ANTXRL: variants seen among roughly 807,000 people sequenced by gnomAD.
ANTXRL encodes the protein ANTXR like, also known as anthrax toxin receptor-like.
Under a neutral mutation model 75.4 loss-of-function variants are expected in ANTXRL, and 63 were observed. The ratio of observed to expected loss-of-function variants is 0.84; its 90% CI spans 0.68 to 1.03. The LOEUF (loss-of-function observed/expected upper bound fraction) is 1.03. ANTXRL is among the 50% of genes least tolerant of loss of function. The pLI, the probability that ANTXRL is intolerant of heterozygous loss-of-function variation, is 0.00. For synonymous variants in ANTXRL, 335 were observed against 291.3 expected (o/e 1.15, Z -1.53); for missense variants, 797 against 789.4 (o/e 1.01, Z -0.12).
rs544796052 is a variant in ANTXRL, at chr10:46,299,655, C to T, written c.796+1593C>T. On this transcript the variant is annotated intron_variant, in intron 9 of 16. Coordinates refer to ENST00000620264, the MANE Select transcript of ANTXRL (RefSeq NM_001278688.3). ...CCTGGCGGTAGGCTGTGGGGACAGA[C>T]ACACCGTATATGTCTGAGCTCTGCT... 2.6e-5 allele frequency among the ~76,000 whole-genome samples: 4 copies of T among 152,280 alleles called. No homozygotes were observed. The East Asian group carries it at 7.7e-4, about 29-fold the overall frequency.
chr10:46,318,625 A>G (rs1241886460), intron 16 of ANTXRL, among the ~76,000 whole-genome samples: 1 of 152,148 alleles, frequency 6.6e-6, no homozygotes, highest in Non-Finnish European at 1.5e-5. Flanking sequence ...AATGAAAAAC[A>G]AGAGGCTGAC....
Position 46,302,803 on chromosome 10 carries a change from A to G in ANTXRL, c.878A>G (p.Asn293Ser), listed in dbSNP as rs782241246. Residue 293 changes from asparagine to serine, a missense_variant, in exon 10 of 17, where the codon AAT (asparagine) becomes AGT (serine). This residue lies in a region of ANTXRL where 56 missense variants were observed against 95.5 expected (regional missense o/e 0.59). Transcript: ENST00000620264. ...RDEVICRFIF[N>S]ESTIIDEKPT... ...GAAGTTATTTGCAGATTTATCTTCA[A>G]TGAAAGCACTATCATTGGTAAGTTG... is the stretch of plus-strand genomic sequence containing the variant. 1.2e-4 allele frequency: 183 copies of G among 1,535,202 alleles called. No homozygotes were observed. The highest frequency in any genetic ancestry group is 1.4e-4 in the Non-Finnish European group (159 of 1,145,982).
chr10:46,309,174 G>C lies in ANTXRL; in HGVS notation c.1106G>C (p.Cys369Ser). 1 of 1,525,738 alleles carries C rather than the reference G, an allele frequency of 6.6e-7. No individual in the cohort carries two copies. The highest frequency in any genetic ancestry group is 8.7e-7 in the Non-Finnish European group (1 of 1,146,272). The allele number at this position is 1,525,738 out of a possible 1,614,324, so 94.5% of individuals were successfully genotyped here. Residue 369 changes from cysteine (C) to serine (S), a missense_variant, in exon 13 of 17, where the codon TGT becomes TCT. Physicochemically the swap from Cys to Ser is moderately radical, Grantham distance 112. Transcript: ENST00000620264. ...PLLLLVPLLLCCVWRLCRKQT... is the reference protein window; with the variant it reads ...PLLLLVPLLLSCVWRLCRKQT... ...CTGCTGCTTGTGCCACTGCTGCTGT[G>C]TTGTGTCTGGCGGCTGTGCCGCAAG... is the stretch of plus-strand genomic sequence containing the variant.
chr10:46,296,373 C>T, intron 5 of ANTXRL, 121 bp downstream of exon 5: 1 of 1,103,022 alleles, frequency 9.1e-7, no homozygotes, highest in Admixed American at 2.1e-5. Flanking sequence ...GAGCAAGTTG[C>T]TCACCTGCTC....
At chr10:46,322,796 G>A (rs1229430267) in intron 16 of ANTXRL, among the ~76,000 whole-genome samples, 4 of 152,174 alleles carry the variant, frequency 2.6e-5, no homozygotes, top group African/African-American at 7.2e-5. Flanking sequence ...TGTTTACTGA[G>A]TAGGTCATCA....
At chr10:46,325,343 C>G (rs1039359817) in intron 16 of ANTXRL, among the ~76,000 whole-genome samples, 5 of 152,086 alleles carry the variant, frequency 3.3e-5, no homozygotes, top group Non-Finnish European at 2.9e-5. Flanking sequence ...TAAGGAATTC[C>G]TTATTCTGCA....
At chr10:46,291,487 TGATACAG>T (rs1836980705) in intron 1 of ANTXRL, among the ~76,000 whole-genome samples, 1 of 152,128 alleles carries the variant, frequency 6.6e-6, no homozygotes, top group Non-Finnish European at 1.5e-5. Flanking sequence ...GTAGAGATTT[TGATACAG>T]ATTACATTGT....
intron 9 of ANTXRL, among the ~76,000 whole-genome samples, chr10:46,299,282 A>G (rs1837572797): frequency 6.6e-6 from 1 of 152,148 alleles, no homozygotes; most frequent in Non-Finnish European, 1.5e-5. Flanking sequence ...ATAGCCCGAC[A>G]AAGTCGTCCA....
intron 1 of ANTXRL, among the ~76,000 whole-genome samples, chr10:46,287,721 G>A (rs1398447937): frequency 1.3e-5 from 2 of 152,050 alleles, no homozygotes; most frequent in Non-Finnish European, 2.9e-5. Context: ...CCTGGATGAG[G>A]AAAAAAGCCA....
chr10:46,288,917 G>A (rs1836866810), intron 1 of ANTXRL, among the ~76,000 whole-genome samples: 1 of 152,150 alleles, frequency 6.6e-6, no homozygotes, highest in Admixed American at 6.5e-5. Context: ...ACAAGGCTGG[G>A]GGTAAAGGGC....
rs1554957653 is a variant in ANTXRL, at chr10:46,293,873, A to G, written c.365A>G (p.Gln122Arg). The G allele has an allele frequency of 1.3e-6, 2 of 1,535,744 alleles. No homozygotes were observed. Among genetic ancestry groups the G allele is most frequent in the South Asian group, 1.2e-5 (1 of 84,042 alleles). ...MCFITYSTDGQTVLPLTSDKN... is the reference protein window; with the variant it reads ...MCFITYSTDGRTVLPLTSDKN... ...TTCATCACCTACTCCACAGACGGCC[A>G]GACTGTCTTGCCACTCACCTCAGAC... The change falls in exon 3 of 17, where the codon CAG becomes CGG. Residue 122 changes from glutamine (Q) to arginine (R), a missense_variant. Physicochemically the swap from Gln to Arg is conservative, Grantham distance 43. Transcript: ENST00000620264.
chr10:46,298,665 G>T (rs782313233), intron 9 of ANTXRL, among the ~76,000 whole-genome samples: 3 of 151,688 alleles, frequency 2.0e-5, no homozygotes, highest in Non-Finnish European at 2.9e-5. Context: ...TCCAGTGTGT[G>T]TTTGTGTCGT....
intron 10 of ANTXRL, among the ~76,000 whole-genome samples, chr10:46,305,246 C>T (rs1554961595): frequency 6.6e-6 from 1 of 152,142 alleles, no homozygotes; most frequent in African/African-American, 2.4e-5. Context: ...GCATCAGTCC[C>T]TGTAGGGCAG....
chr10:46,296,037 T>A lies in ANTXRL; in HGVS notation c.411T>A (p.Gly137=). ...TTTTCAGGAATAGAATAAAAAACGGTCTTGACCAACTTCAGAAAATTGTGC... is the reference window on the plus strand; with the variant it reads ...TTTTCAGGAATAGAATAAAAAACGGACTTGACCAACTTCAGAAAATTGTGC... The part of the protein sequence containing the change: ...LTSDKNRIKN[G]LDQLQKIVPD... Residue 137 remains glycine (G), a synonymous_variant, in exon 4 of 17, where the codon GGT becomes GGA. Transcript: ENST00000620264. 1 of 1,535,802 alleles carries A rather than the reference T, an allele frequency of 6.5e-7. No individual in the cohort carries two copies. The highest frequency in any genetic ancestry group is 8.7e-7 in the Non-Finnish European group (1 of 1,146,724).
chr10:46,318,665 T>C (rs1380272899), intron 16 of ANTXRL, among the ~76,000 whole-genome samples: 1 of 151,962 alleles, frequency 6.6e-6, no homozygotes, highest in Non-Finnish European at 1.5e-5. Flanking sequence ...GAGCAAACAA[T>C]AAATAGAGTA....
At chr10:46,308,485 G>A (rs1311730214) in intron 12 of ANTXRL, 2 of 448,024 alleles carry the variant, frequency 4.5e-6, no homozygotes, top group Non-Finnish European at 8.9e-6. Flanking sequence ...CTCTGGACAT[G>A]AGGAAGGCCT....
At chr10:46,293,706 C>T in intron 2 of ANTXRL, 123 bp from the exon 3 acceptor site, 1 of 783,408 alleles carries the variant, frequency 1.3e-6, no homozygotes, top group Admixed American at 2.3e-5. Context: ...TATCTCACCT[C>T]CTTGTGTCCA....
At chr10:46,287,636 C>G (rs1427844097) in intron 1 of ANTXRL, 126 bp downstream of exon 1, 28 of 1,288,462 alleles carry the variant, frequency 2.2e-5, no homozygotes, top group Non-Finnish European at 2.6e-5. Context: ...AAACTTTGGT[C>G]AGACCAGACC....
chr10:46,311,399 C>T (rs2132819345), intron 14 of ANTXRL, 111 bp from the exon 15 acceptor site: 3 of 1,393,832 alleles, frequency 2.2e-6, no homozygotes, highest in Non-Finnish European at 2.8e-6. Flanking sequence ...GGACCCTCCA[C>T]TGTGGTGTGG....
Sources: allele counts gnomAD v4.1 joint callset (sites outside exome capture counted in the v4.1 genomes callset), GRCh38; gene constraint gnomAD v4.1.1; regional missense constraint gnomAD v4.1.1; transcripts MANE v1.5; gene names NCBI Gene and HGNC (gene_info 2026-07-23, HGNC 2026-07-21).